The following ACTMAP variants were observed in gnomAD, a reference collection of about 807,000 sequenced individuals.
ACTMAP encodes the protein actin maturation protease.
At chr19:40,745,002 C>T in the ACTMAP span, 3 of 1,165,538 alleles carry the variant, frequency 2.6e-6, no homozygotes, top group Non-Finnish European at 3.7e-6. Context: ...GGAAAGTTCC[C>T]CCTTTCCTTC....
the ACTMAP span, chr19:40,749,503 G>A: frequency 3.9e-6 from 6 of 1,539,188 alleles, no homozygotes; most frequent in African/African-American, 5.5e-5. Context: ...AGTTTCAGAA[G>A]CCTCTTCACA....
At chr19:40,744,584 G>A in the ACTMAP span, 1 of 1,613,798 alleles carries the variant, frequency 6.2e-7, no homozygotes, top group Admixed American at 1.7e-5. Context: ...CCTGGGCCGT[G>A]TAGCCTCTTT....
the ACTMAP span, chr19:40,742,682 C>T: frequency 1.2e-5 from 20 of 1,613,054 alleles, no homozygotes; most frequent in East Asian, 2.2e-5. Context: ...GTTGGCAGGG[C>T]GTGCCCAGCA....
the ACTMAP span, chr19:40,744,797 C>A: frequency 9.3e-5 from 131 of 1,416,214 alleles, no homozygotes; most frequent in Admixed American, 5.1e-4. Context: ...CTCTCCCAGG[C>A]CAGCGAGGGA....
chr19:40,750,435 T>G, the ACTMAP span: 1 of 151,496 alleles, frequency 6.6e-6, no homozygotes, highest in Admixed American at 6.6e-5. Context: ...CGATAACCAC[T>G]GGAAAAAGGA....
At chr19:40,744,046 C>G in the ACTMAP span, 2 of 1,613,980 alleles carry the variant, frequency 1.2e-6, no homozygotes, top group Non-Finnish European at 8.5e-7. Context: ...CTGCCCTCCT[C>G]TCTCCCAGGC....
the ACTMAP span, chr19:40,745,046 T>C: frequency 6.8e-7 from 1 of 1,479,472 alleles, no homozygotes; most frequent in African/African-American, 1.4e-5. Flanking sequence ...TCCACTCCTC[T>C]TCTCCAGATC....
the ACTMAP span, among the ~76,000 whole-genome samples, chr19:40,745,592 A>G: frequency 2.6e-5 from 4 of 152,158 alleles, no homozygotes; most frequent in East Asian, 7.7e-4. Context: ...TCGACCTCCC[A>G]GGGTCAAGTT....
chr19:40,749,914 A>G, the ACTMAP span: 1 of 882,156 alleles, frequency 1.1e-6, no homozygotes, highest in Non-Finnish European at 1.6e-6. Flanking sequence ...GCTGAGTTCC[A>G]GAATCTGGGG....
At chr19:40,742,005 G>C in the ACTMAP span, 5 of 451,496 alleles carry the variant, frequency 1.1e-5, no homozygotes, top group South Asian at 3.1e-5. Context: ...AATGATCCGG[G>C]GATTTGAACA....
chr19:40,743,765 G>T, the ACTMAP span: 2 of 1,038,710 alleles, frequency 1.9e-6, no homozygotes, highest in East Asian at 2.5e-5. Flanking sequence ...AGACACCTGG[G>T]GCCCAGCCTG....
the ACTMAP span, chr19:40,744,627 A>G: frequency 6.2e-7 from 1 of 1,613,488 alleles, no homozygotes; most frequent in Middle Eastern, 1.7e-4. Flanking sequence ...CTCCAGGGGG[A>G]CGCCACTGGG....
chr19:40,744,947 C>A, the ACTMAP span: 4 of 817,978 alleles, frequency 4.9e-6, no homozygotes, highest in Non-Finnish European at 7.7e-6. Flanking sequence ...TCATTCCTCG[C>A]ATGTCCCAAC....
chr19:40,744,867 G>T, the ACTMAP span: 1 of 988,420 alleles, frequency 1.0e-6, no homozygotes, highest in Non-Finnish European at 1.5e-6. Context: ...GAAGGCGGGG[G>T]AGAGGTCACC....
the ACTMAP span, among the ~76,000 whole-genome samples, chr19:40,747,345 T>C: frequency 6.6e-6 from 1 of 151,546 alleles, no homozygotes; most frequent in Non-Finnish European, 1.5e-5. Context: ...GAGACCAGCC[T>C]GGCCAACAAG....
At chr19:40,748,414 G>T in the ACTMAP span, among the ~76,000 whole-genome samples, 996 of 152,092 alleles carry the variant, frequency 6.5e-3, 8 homozygotes, top group African/African-American at 0.023. Flanking sequence ...GAGTTTCAAT[G>T]TGAGTCCTGG....
At chr19:40,744,529 G>A in the ACTMAP span, 2 of 1,611,642 alleles carry the variant, frequency 1.2e-6, no homozygotes, top group Non-Finnish European at 1.7e-6. Context: ...CTCATGAAGA[G>A]ATGATGGAGC....
chr19:40,742,810 C>G, the ACTMAP span: 5 of 1,548,670 alleles, frequency 3.2e-6, no homozygotes, highest in Admixed American at 1.9e-5. Context: ...AGTGACTGAG[C>G]CAGGACCAGG....
chr19:40,749,571 C>T, the ACTMAP span: 3 of 1,551,236 alleles, frequency 1.9e-6, no homozygotes, highest in Non-Finnish European at 2.6e-6. Context: ...CAGGAGCTGG[C>T]TCTTCTCCAG....
Sources: gnomAD v4.1 joint callset for allele counts (sites outside exome capture counted in the v4.1 genomes callset) on GRCh38, gnomAD v4.1.1 for gene constraint, MANE v1.5 for transcripts, NCBI Gene and HGNC (gene_info 2026-07-23, HGNC 2026-07-21) for gene names.